KCNK16: variants seen among roughly 807,000 people sequenced by gnomAD.
KCNK16 encodes the protein potassium channel subfamily K member 16.
Under a neutral mutation model 23.0 loss-of-function variants are expected in KCNK16, and 23 were observed. That is an observed-to-expected ratio of 1.00 (90% confidence interval 0.72 to 1.41). KCNK16 has a LOEUF of 1.41. Among genes scored for constraint, KCNK16 ranks in the 40% most tolerant of loss-of-function variants. The pLI, the probability that KCNK16 is intolerant of heterozygous loss-of-function variation, is 0.00. For synonymous variants in KCNK16, 145 were observed against 153.5 expected (o/e 0.94, Z 0.41); for missense variants, 327 against 365.8 (o/e 0.89, Z 0.87).
chr6:39,318,061 A>C (rs1408392664), intron 2 of KCNK16, 109 bp from the exon 3 acceptor site: 1 of 1,083,830 alleles, frequency 9.2e-7, no homozygotes, highest in Non-Finnish European at 1.3e-6. Flanking sequence ...GGGGGTGAGA[A>C]GGGGAAGCTC....
rs1354095611 is a variant in KCNK16, at chr6:39,322,670, G to C, written c.-130C>G. 1 of 1,363,778 alleles carries C rather than the reference G, an allele frequency of 7.3e-7. No homozygotes were observed. Among genetic ancestry groups the C allele is most frequent in the Non-Finnish European group, 9.7e-7 (1 of 1,028,616 alleles). The allele number at this position is 1,363,778 out of a possible 1,614,324, so 84.5% of individuals were successfully genotyped here. On this transcript the variant is annotated 5_prime_UTR_variant, in exon 1 of 5. Transcript: ENST00000437525. The stretch of plus-strand genomic sequence containing the variant: ...CCCTGCCCTCCTCCTCGGCACAGGT[G>C]TCTGGAGGCTGGGGAGACTGTTTGA...
intron 2 of KCNK16, among the ~76,000 whole-genome samples, chr6:39,318,458 T>G (rs953559517): frequency 6.6e-6 from 1 of 152,064 alleles, no homozygotes; most frequent in Non-Finnish European, 1.5e-5. Context: ...ATGGTTTCCT[T>G]GGGGTGGGAT....
At chr6:39,315,102 G>A (rs746685940), downstream of KCNK16, 10 of 1,613,390 alleles carry the variant, frequency 6.2e-6, no homozygotes, top group South Asian at 2.2e-5. Flanking sequence ...GCCTGGAGCC[G>A]CCTTGGCTCC....
chr6:39,317,644 A>G lies in KCNK16; in HGVS notation c.495+142T>C, dbSNP rs117405264. The G allele has an allele frequency of 9.0e-5, 84 of 938,284 alleles. No homozygotes were observed. In the East Asian group the frequency reaches 2.4e-3, roughly 27 times the overall value. The allele number at this position is 938,284 out of a possible 1,614,324, so 58.1% of individuals were successfully genotyped here. On this transcript the variant is annotated intron_variant, in intron 3 of 4. Transcript: ENST00000437525. ...GAGATCCAACTCCCCACTCTGCCCA[A>G]CCCTGCCTTCACCCTTCCTCTTTCA...
At chr6:39,314,847 G>A, downstream of KCNK16, 1 of 749,248 alleles carries the variant, frequency 1.3e-6, no homozygotes. Context: ...CCCCAAAAGA[G>A]GGACCCCAGC....
At chr6:39,317,565 A>G (rs994543718) in intron 3 of KCNK16, among the ~76,000 whole-genome samples, 1 of 152,172 alleles carries the variant, frequency 6.6e-6, no homozygotes, top group African/African-American at 2.4e-5. Context: ...CAACTCTGAC[A>G]GCTCTCACAT....
In KCNK16 at chr6:39,322,241, G is replaced by A. The variant is rs1762538713; in HGVS notation, c.213+87C>T. On this transcript the variant is annotated intron_variant, in intron 1 of 4. Transcript: ENST00000437525. ...CTTCCAAATGGGGCATCAGCTCCTGGGTGAGGACTGTGGATCTGCCACAGG... is the reference window on the plus strand; with the variant it reads ...CTTCCAAATGGGGCATCAGCTCCTGAGTGAGGACTGTGGATCTGCCACAGG... 7.2e-6 allele frequency: 11 copies of A among 1,533,786 alleles called. No homozygotes were observed. The Middle Eastern group carries it at 6.9e-4, about 96-fold the overall frequency.
In KCNK16 at chr6:39,319,375, T is replaced by C. The variant is rs1762433365; in HGVS notation, c.214-242A>G. Among the ~76,000 whole-genome samples the C allele has an allele frequency of 1.3e-5, 2 of 152,090 alleles. No individual in the cohort carries two copies. The highest frequency in any genetic ancestry group is 2.9e-5 in the Non-Finnish European group (2 of 68,004). ...GTCTGTTCCACTGGCCAGGGCTGACTGAGGTGTGGGCTGCAAGCATGGGCT... is the reference window on the plus strand; with the variant it reads ...GTCTGTTCCACTGGCCAGGGCTGACCGAGGTGTGGGCTGCAAGCATGGGCT... On this transcript the variant is annotated intron_variant, in intron 1 of 4. Coordinates refer to ENST00000437525, the MANE Select transcript of KCNK16 (RefSeq NM_001135106.2). This position sits in a 1 kb window ranked among gnomAD's most constrained non-coding sequence, Gnocchi z 4.2.
In KCNK16 at chr6:39,320,572, G is replaced by A. The variant is rs542017499; in HGVS notation, c.214-1439C>T. On this transcript the variant is annotated intron_variant, in intron 1 of 4. Transcript: ENST00000437525. ...GCGTCTGAGAGTTCAACAGGAATGT[G>A]TCTTCTTCCAGAATCTCACCCCAGT... Among the ~76,000 whole-genome samples, 3 of 152,332 alleles carry A rather than the reference G, an allele frequency of 2.0e-5. No homozygotes were observed. In the South Asian group the frequency reaches 6.2e-4, roughly 32 times the overall value.
chr6:39,315,071 A>G, downstream of KCNK16: 2 of 1,614,006 alleles, frequency 1.2e-6, no homozygotes, highest in African/African-American at 1.3e-5. Flanking sequence ...TTGCTGCTGT[A>G]GAGCCTCTCC....
At chr6:39,314,723 T>G, downstream of KCNK16, 1 of 453,204 alleles carries the variant, frequency 2.2e-6, no homozygotes, top group Non-Finnish European at 3.9e-6. Flanking sequence ...ACCAACTTTA[T>G]TGTCTTGGGG....
rs1468723892 is a variant in KCNK16 at position 39,319,836 on chromosome 6, CATGTGTGCATGTTTGT to C, written c.214-719_214-704del. 7.3e-6 allele frequency among the ~76,000 whole-genome samples: 1 copy of C among 136,174 alleles called. No individual in the cohort carries two copies. The highest frequency in any genetic ancestry group is 2.6e-5 in the African/African-American group (1 of 38,416). The allele number at this position is 136,174 out of a possible 152,430, so 89.3% of individuals were successfully genotyped here. A position where few individuals can be genotyped will look rare whatever the true frequency, so the allele number is the denominator to read the frequency against. The stretch of plus-strand genomic sequence containing the variant: ...TTGTGCATGGCAACTGTATGTTGCA[CATGTGTGCATGTTTGT>C]ATGTGTGTTGCATGTGTTTTCACAA... On this transcript the variant is annotated intron_variant, in intron 1 of 4. Coordinates refer to ENST00000437525, the MANE Select transcript of KCNK16 (RefSeq NM_001135106.2). The surrounding 1 kb of genome is among the most constrained non-coding windows in gnomAD (Gnocchi z 4.2).
chr6:39,319,070 A>C lies in KCNK16; in HGVS notation c.277T>G (p.Trp93Gly). Residue 93 changes from tryptophan to glycine, a missense_variant, in exon 2 of 5, where the codon TGG (tryptophan) becomes GGG (glycine). Coordinates refer to ENST00000437525, the MANE Select transcript of KCNK16 (RefSeq NM_001135106.2). This position sits in a 1 kb window ranked among gnomAD's most constrained non-coding sequence, Gnocchi z 4.2. ...PKGNSTNPSN[W>G]DFGSSFFFAG... ...AAGAAGAAACTGCTGCCAAAGTCCC[A>C]GTTGCTGGGGTTGGTAGAGTTGCCT... 6.2e-7 allele frequency: 1 copy of C among 1,614,108 alleles called. No homozygotes were observed. The highest frequency in any genetic ancestry group is 8.5e-7 in the Non-Finnish European group (1 of 1,180,008).
At chr6:39,316,067 T>C (rs1762295516), downstream of KCNK16, 4 of 1,145,658 alleles carry the variant, frequency 3.5e-6, no homozygotes, top group African/African-American at 3.2e-5. Context: ...TGGATATACC[T>C]GTCTCCTTTC....
At position 39,322,458 on chromosome 6, in the gene KCNK16, C is replaced by T; in HGVS notation, c.83G>A (p.Gly28Asp). Reference protein sequence around the residue: ...LLAYVCYLLLGATIFQLLERQ... With the variant: ...LLAYVCYLLLDATIFQLLERQ... ...CTCTAGCAGCTGGAAGATAGTGGCA[C>T]CGAGCAGCAGGTAGCAGACATAGGC... The change falls in exon 1 of 5, where the codon GGT (glycine) becomes GAT (aspartate). Residue 28 changes from glycine (G) to aspartate (D), a missense_variant. Physicochemically the swap from Gly to Asp is moderately conservative, Grantham distance 94. Transcript: ENST00000437525. 6.2e-7 allele frequency: 1 copy of T among 1,614,062 alleles called. No individual in the cohort carries two copies. The highest frequency in any genetic ancestry group is 1.1e-5 in the South Asian group (1 of 91,070).
At chr6:39,314,933 G>A, downstream of KCNK16, 1 of 1,458,380 alleles carries the variant, frequency 6.9e-7, no homozygotes. Flanking sequence ...TTGCTTCTGA[G>A]AAGGCCCCCG....
chr6:39,318,030 G>T, intron 2 of KCNK16, 78 bp from the exon 3 acceptor site: 2 of 1,405,292 alleles, frequency 1.4e-6, no homozygotes, highest in Non-Finnish European at 1.9e-6. Flanking sequence ...CTCTAGCTGA[G>T]GTTTGTCTGT....
At chr6:39,318,886 C>T (rs1420048143) in intron 2 of KCNK16, 133 bp downstream of exon 2, 2 of 644,618 alleles carry the variant, frequency 3.1e-6, no homozygotes, top group African/African-American at 3.6e-5. Context: ...TACTGTTTCA[C>T]TTACCCACTC....
At chr6:39,315,103 C>G, downstream of KCNK16, 2 of 1,614,210 alleles carry the variant, frequency 1.2e-6, no homozygotes, top group South Asian at 2.2e-5. Context: ...CCTGGAGCCG[C>G]CTTGGCTCCA....
Sources: gnomAD v4.1 joint callset for allele counts (sites outside exome capture counted in the v4.1 genomes callset) on GRCh38, gnomAD v4.1.1 for gene constraint, Gnocchi (gnomAD v3.1) non-coding constraint, MANE v1.5 for transcripts, NCBI Gene and HGNC (gene_info 2026-07-23, HGNC 2026-07-21) for gene names.